Variants in PHKB observed in about 807,000 individuals in gnomAD.
PHKB encodes phosphorylase b kinase regulatory subunit beta.
Under a neutral mutation model 152.1 loss-of-function variants are expected in PHKB, and 122 were observed. That is an observed-to-expected ratio of 0.80 (90% confidence interval 0.69 to 0.93). The LOEUF (loss-of-function observed/expected upper bound fraction) is 0.93. PHKB is among the 40% of genes least tolerant of loss of function. The pLI, the probability that PHKB is intolerant of heterozygous loss-of-function variation, is 0.00. For missense variants in PHKB, 1,304 were observed against 1,328.4 expected, an observed-to-expected ratio of 0.98 and a Z score of 0.29; for synonymous variants, 436 against 464.9, an observed-to-expected ratio of 0.94 and a Z score of 0.80.
intron 13 of PHKB, among the ~76,000 whole-genome samples, chr16:47,603,667 C>G (rs1972274490): frequency 6.6e-6 from 1 of 151,956 alleles, no homozygotes; most frequent in Admixed American, 6.6e-5. Flanking sequence ...CCACGCCCGG[C>G]TAATTTTTTG....
rs79320425 is a variant in PHKB, at chr16:47,651,236, T to C, written c.1971+315T>C. Among the ~76,000 whole-genome samples, 1,042 of 152,328 alleles carry C rather than the reference T, an allele frequency of 6.8e-3. 13 individuals carry two copies. Among genetic ancestry groups the C allele is most frequent in the African/African-American group, 0.023 (975 of 41,578 alleles). On this transcript the variant is annotated intron_variant, in intron 20 of 30. Transcript: ENST00000323584. ...AGTTGGCTGACTGTTGGTCCAGTAC[T>C]CTTTTCTGTGCTCTATACTAACATC...
intron 4 of PHKB, among the ~76,000 whole-genome samples, chr16:47,509,837 T>TG (rs146826685): frequency 0.076 from 11,507 of 152,138 alleles, 531 homozygotes; most frequent in African/African-American, 0.13. Context: ...TACAGTTTGT[T>TG]GCAATTCTTC....
At chr16:47,658,899 A>G (rs1161675301) in intron 20 of PHKB, among the ~76,000 whole-genome samples, 4 of 151,590 alleles carry the variant, frequency 2.6e-5, no homozygotes, top group Non-Finnish European at 5.9e-5. Flanking sequence ...GAACAGTTTC[A>G]AGAAGGCAAG....
chr16:47,650,724 T>A (rs905290481), intron 19 of PHKB, 98 bp downstream of exon 19: 5 of 1,242,564 alleles, frequency 4.0e-6, no homozygotes, highest in Non-Finnish European at 5.9e-6. Context: ...TGTATCCTTC[T>A]TAGTATGTGG....
chr16:47,687,062 C>A (rs1220807176), intron 26 of PHKB, among the ~76,000 whole-genome samples: 1 of 152,154 alleles, frequency 6.6e-6, no homozygotes, highest in Non-Finnish European at 1.5e-5. Context: ...ATCCCACTTT[C>A]CTTTTCATTC....
intron 6 of PHKB, among the ~76,000 whole-genome samples, chr16:47,544,979 A>G (rs1009757506): frequency 6.6e-6 from 1 of 152,042 alleles, no homozygotes; most frequent in African/African-American, 2.4e-5. Flanking sequence ...TTTTGAGCCT[A>G]TGTGCGTCTC....
chr16:47,624,352 T>C (rs1972671436), intron 14 of PHKB, among the ~76,000 whole-genome samples: 1 of 152,248 alleles, frequency 6.6e-6, no homozygotes, highest in African/African-American at 2.4e-5. Flanking sequence ...GAATTTAATA[T>C]GGCAAAGAAG....
At chr16:47,649,951 CAAAT>C (rs1973205547) in intron 18 of PHKB, among the ~76,000 whole-genome samples, 1 of 152,010 alleles carries the variant, frequency 6.6e-6, no homozygotes, top group Admixed American at 6.5e-5. Context: ...ATAATTTAAT[CAAAT>C]AAAGAGCTCC....
intron 7 of PHKB, among the ~76,000 whole-genome samples, chr16:47,558,138 A>G (rs1971410909): frequency 6.6e-6 from 1 of 150,768 alleles, no homozygotes; most frequent in Non-Finnish European, 1.5e-5. Context: ...GCAAGGACAA[A>G]AAACCAAACA....
chr16:47,699,501 G>A lies in PHKB; in HGVS notation c.*135G>A, dbSNP rs940362135. 2 of 955,954 alleles carry A rather than the reference G, an allele frequency of 2.1e-6. No homozygotes were observed. Among genetic ancestry groups the A allele is most frequent in the Non-Finnish European group, 3.4e-6 (2 of 583,842 alleles). The allele number at this position is 955,954 out of a possible 1,614,324, so 59.2% of individuals were successfully genotyped here. A position where few individuals can be genotyped will look rare whatever the true frequency, so the allele number is the denominator to read the frequency against. ...AGGTGAATGCCACATCCTTGGCGGGGTTATGGACCTCTTGCATGTCATAGC... is the reference window on the plus strand; with the variant it reads ...AGGTGAATGCCACATCCTTGGCGGGATTATGGACCTCTTGCATGTCATAGC... On this transcript the variant is annotated 3_prime_UTR_variant, in exon 31 of 31. Transcript: ENST00000323584.
intron 6 of PHKB, chr16:47,529,278 C>G (rs994882884): frequency 2.0e-5 from 3 of 151,720 alleles, no homozygotes; most frequent in Non-Finnish European, 2.9e-5. Context: ...TCACTTGAAG[C>G]CAAAAATTTG....
intron 7 of PHKB, among the ~76,000 whole-genome samples, chr16:47,548,418 C>G (rs1156522534): frequency 6.6e-6 from 1 of 152,028 alleles, no homozygotes; most frequent in Non-Finnish European, 1.5e-5. Flanking sequence ...ACCAGCGTGG[C>G]CAACATGGTG....
chr16:47,472,818 C>T (rs1969796218), intron 1 of PHKB, among the ~76,000 whole-genome samples: 1 of 151,636 alleles, frequency 6.6e-6, no homozygotes, highest in Non-Finnish European at 1.5e-5. Context: ...GTTGTGGTGC[C>T]TGGGATGGCT....
At chr16:47,609,446 G>A (rs1431043855) in intron 13 of PHKB, among the ~76,000 whole-genome samples, 1 of 126,436 alleles carries the variant, frequency 7.9e-6, no homozygotes, top group African/African-American at 2.8e-5. Flanking sequence ...TGGGTGGGGG[G>A]GGGGCACAGT....
At chr16:47,675,963 T>C (rs1041921244) in intron 26 of PHKB, 2 of 152,186 alleles carry the variant, frequency 1.3e-5, no homozygotes, top group Non-Finnish European at 2.9e-5. Flanking sequence ...AAAGATACTT[T>C]TGTGTCTTCT....
chr16:47,478,492 T>C (rs533263171), intron 1 of PHKB, among the ~76,000 whole-genome samples: 33 of 151,520 alleles, frequency 2.2e-4, no homozygotes, highest in Non-Finnish European at 3.7e-4. Context: ...TTTTTTGCTT[T>C]ACCTGAAAAA....
intron 27 of PHKB, among the ~76,000 whole-genome samples, chr16:47,690,952 G>T (rs1158653534): frequency 1.3e-5 from 2 of 152,162 alleles, no homozygotes; most frequent in Non-Finnish European, 2.9e-5. Context: ...GGGCATGGTG[G>T]CTCAAGCTTG....
intron 6 of PHKB, among the ~76,000 whole-genome samples, chr16:47,537,902 C>CTCTCT (rs71380327): frequency 1.3e-5 from 2 of 149,232 alleles, no homozygotes; most frequent in African/African-American, 5.1e-5. Flanking sequence ...CTCTCTCTCT[C>CTCTCT]TTTTTAAGTT....
intron 16 of PHKB, among the ~76,000 whole-genome samples, chr16:47,642,989 A>G (rs1209982468): frequency 2.0e-5 from 3 of 152,190 alleles, no homozygotes. Context: ...TCGGCTGCTA[A>G]TACACTTTTA....
Sources: allele counts gnomAD v4.1 joint callset (sites outside exome capture counted in the v4.1 genomes callset), GRCh38; gene constraint gnomAD v4.1.1; transcripts MANE v1.5; gene names NCBI Gene and HGNC (gene_info 2026-07-23, HGNC 2026-07-21).